MTR: variants seen among roughly 807,000 people sequenced by gnomAD.
MTR encodes the protein methionine synthase.
MTR carries 84 observed loss-of-function variants against 154.8 expected under a neutral mutation model. That is an observed-to-expected ratio of 0.54 (90% CI 0.45 to 0.65). MTR has a LOEUF of 0.65. Among genes scored for constraint, MTR ranks in the 30% least tolerant of loss-of-function variants. The pLI is 0.00. For synonymous variants in MTR, 554 were observed against 553.9 expected (o/e 1.00, Z 0.00); for missense variants, 1,275 against 1,570.2 (o/e 0.81, Z 3.18).
intron 1 of MTR, among the ~76,000 whole-genome samples, chr1:236,796,565 C>A (rs1171845569): frequency 1.3e-5 from 2 of 152,112 alleles, no homozygotes. Context: ...ATACTAAATT[C>A]GTAACGCACA....
At chr1:236,862,566 A>G (rs751166786) in intron 21 of MTR, among the ~76,000 whole-genome samples, 7 of 152,318 alleles carry the variant, frequency 4.6e-5, no homozygotes, top group African/African-American at 9.6e-5. Flanking sequence ...CAATTTTTCA[A>G]TCAAAACCCA....
chr1:236,795,516 C>A lies in MTR; in HGVS notation c.-188C>A, dbSNP rs1374147682. 2 of 1,526,262 alleles carry A rather than the reference C, an allele frequency of 1.3e-6. No homozygotes were observed. Among genetic ancestry groups the A allele is most frequent in the East Asian group, 4.9e-5 (2 of 40,442 alleles). 94.5% of individuals were successfully genotyped at this position (1,526,262 alleles called of 1,614,324 possible). On this transcript the variant is annotated 5_prime_UTR_variant, in exon 1 of 33. Coordinates refer to ENST00000366577, the MANE Select transcript of MTR (RefSeq NM_000254.3). ...TGCCGCGCCCAGCCCCGAGAGAGGC[C>A]CTAGGGCGCTGCGGGCTTTCGGGGT...
intron 27 of MTR, among the ~76,000 whole-genome samples, chr1:236,887,800 C>T (rs1346156571): frequency 1.3e-5 from 2 of 152,226 alleles, no homozygotes; most frequent in Admixed American, 1.3e-4. Flanking sequence ...AGAGGGTTTT[C>T]TTTTACGGCC....
intron 3 of MTR, among the ~76,000 whole-genome samples, chr1:236,808,463 C>T (rs192124899): frequency 4.1e-4 from 62 of 152,178 alleles, no homozygotes; most frequent in Non-Finnish European, 7.5e-4. Flanking sequence ...GCCCTTTTTA[C>T]TGGCTAGCTC....
chr1:236,796,247 C>T (rs867961973), intron 1 of MTR, among the ~76,000 whole-genome samples: 1 of 152,230 alleles, frequency 6.6e-6, no homozygotes, highest in African/African-American at 2.4e-5. Context: ...TGCATAGACT[C>T]ACTATGTTAA....
Position 236,863,140 on chromosome 1 carries a change from C to T in MTR, c.2305-314C>T, listed in dbSNP as rs12047554. Among the ~76,000 whole-genome samples, 6,924 of 152,188 alleles carry T rather than the reference C, an allele frequency of 0.045. 484 individuals are homozygous for T. Among genetic ancestry groups the T allele is most frequent in the East Asian group, 0.2 (1,025 of 5,158 alleles). On this transcript the variant is annotated intron_variant, in intron 21 of 32. Coordinates refer to ENST00000366577, the MANE Select transcript of MTR (RefSeq NM_000254.3). ...CCCTGCCTCTCCCTTAATGGCTAAC[C>T]GTAAACATTTGTCAAATAAGTTCCC...
chr1:236,825,719 G>C (rs1169198811), intron 10 of MTR, among the ~76,000 whole-genome samples: 1 of 152,100 alleles, frequency 6.6e-6, no homozygotes, highest in African/African-American at 2.4e-5. Flanking sequence ...ACACCCCTCA[G>C]ACTGCTGGGT....
rs1328542941 is a variant in MTR, at chr1:236,862,230, T to C, written c.2197-6T>C. 2.5e-6 allele frequency: 4 copies of C among 1,609,262 alleles called. No individual in the cohort carries two copies. Among genetic ancestry groups the C allele is most frequent in the Non-Finnish European group, 3.4e-6 (4 of 1,175,602 alleles). ...AAAGATACCTGATCTATGCTTTTTT[T>C]CTCAGGTTATAAAGTCAGCCCGGGT... is the stretch of plus-strand genomic sequence containing the variant. On this transcript the variant is annotated splice_polypyrimidine_tract_variant and splice_region_variant and intron_variant, in intron 20 of 32. Transcript: ENST00000366577.
chr1:236,843,579 G>A (rs1380468613), intron 15 of MTR, among the ~76,000 whole-genome samples: 1 of 152,202 alleles, frequency 6.6e-6, no homozygotes, highest in Admixed American at 6.5e-5. Context: ...TGGTCTGTTA[G>A]GGCCAAAGCA....
chr1:236,845,199 CTTTG>C (rs1348190991), intron 15 of MTR, among the ~76,000 whole-genome samples: 2 of 152,120 alleles, frequency 1.3e-5, no homozygotes, highest in Admixed American at 1.3e-4. Flanking sequence ...TTACTCTGTG[CTTTG>C]TTTATTGGCA....
At chr1:236,797,012 G>C (rs917735513) in intron 1 of MTR, among the ~76,000 whole-genome samples, 1 of 149,660 alleles carries the variant, frequency 6.7e-6, no homozygotes, top group Non-Finnish European at 1.5e-5. Flanking sequence ...TGAATAGTGA[G>C]TGATTTAAAA....
chr1:236,895,871 C>T (rs148600453), intron 31 of MTR, among the ~76,000 whole-genome samples: 20 of 152,334 alleles, frequency 1.3e-4, no homozygotes, highest in African/African-American at 4.1e-4. Flanking sequence ...TGTCTTTAAT[C>T]CCTCCCTTAG....
At chr1:236,826,408 C>T (rs917206867) in intron 10 of MTR, among the ~76,000 whole-genome samples, 1 of 152,062 alleles carries the variant, frequency 6.6e-6, no homozygotes, top group Non-Finnish European at 1.5e-5. Flanking sequence ...GCGATCCTCC[C>T]ACCTAGCCTC....
At chr1:236,843,024 T>G (rs1354245695) in intron 15 of MTR, among the ~76,000 whole-genome samples, 2 of 148,846 alleles carry the variant, frequency 1.3e-5, no homozygotes, top group Non-Finnish European at 3.0e-5. Flanking sequence ...AGACTGAGGT[T>G]GCAGTGAGGT....
chr1:236,862,441 G>A (rs1011778854), intron 21 of MTR, 98 bp downstream of exon 21: 37 of 915,138 alleles, frequency 4.0e-5, no homozygotes, highest in Admixed American at 2.9e-4. Context: ...GGCTGTGTTC[G>A]TTATTGAGGA....
Position 236,897,043 on chromosome 1 carries a change from T to C in MTR, c.3636T>C (p.Ala1212=), listed in dbSNP as rs767100856. 22 of 1,614,074 alleles carry C rather than the reference T, an allele frequency of 1.4e-5. No homozygotes were observed. Among genetic ancestry groups the C allele is most frequent in the African/African-American group, 2.7e-5 (2 of 74,952 alleles). The part of the protein sequence containing the change: ...RLTESLAMAP[A]SAVSGLYFSN... The stretch of plus-strand genomic sequence containing the variant: ...CAGAATCATTAGCAATGGCACCTGC[T>C]TCAGCAGTCTCAGGCCTCTACTTCT... The change falls in exon 32 of 33, where the codon GCT becomes GCC. Residue 1212 remains alanine, a synonymous_variant. Transcript: ENST00000366577.
At chr1:236,830,550 T>C (rs1352841144) in intron 12 of MTR, among the ~76,000 whole-genome samples, 1 of 152,260 alleles carries the variant, frequency 6.6e-6, no homozygotes, top group African/African-American at 2.4e-5. Context: ...TGTTTAAAAT[T>C]GTTCTTTTAT....
At chr1:236,894,911 C>T (rs1666536941) in intron 30 of MTR, 3 of 363,240 alleles carry the variant, frequency 8.3e-6, no homozygotes, top group Non-Finnish European at 1.5e-5. Context: ...CAGAGCCCCT[C>T]GTTGTAATGC....
chr1:236,861,817 C>T (rs900503438), intron 20 of MTR, among the ~76,000 whole-genome samples: 1 of 152,116 alleles, frequency 6.6e-6, no homozygotes. Context: ...AACTAAAAGG[C>T]CTTCATCTTG....
Sources: gnomAD v4.1 joint callset for allele counts (sites outside exome capture counted in the v4.1 genomes callset) on GRCh38, gnomAD v4.1.1 for gene constraint, MANE v1.5 for transcripts, NCBI Gene and HGNC (gene_info 2026-07-23, HGNC 2026-07-21) for gene names.